GPR39: variants seen among roughly 807,000 people sequenced by gnomAD.
GPR39 encodes G protein-coupled receptor 39, also known as zinc sensing receptor.
In GPR39, 23 loss-of-function variants were observed where a neutral mutation model predicts 18.4. That is an observed-to-expected ratio of 1.25 (90% confidence interval 0.90 to 1.77). The LOEUF is 1.77. Ranked by LOEUF, GPR39 falls within the 40% of genes most tolerant of loss-of-function variation. GPR39 has a pLI of 0.00. For synonymous variants in GPR39, 280 were observed against 257.9 expected (o/e 1.09, Z -0.82); for missense variants, 647 against 602.4 (o/e 1.07, Z -0.78).
At chr2:132,516,370 C>T (rs902763349) in intron 1 of GPR39, among the ~76,000 whole-genome samples, 2 of 152,092 alleles carry the variant, frequency 1.3e-5, no homozygotes, top group African/African-American at 4.8e-5. Flanking sequence ...ATGGAATGGT[C>T]CACAATATGG....
chr2:132,529,968 A>G (rs1341525582), intron 1 of GPR39, among the ~76,000 whole-genome samples: 1 of 152,350 alleles, frequency 6.6e-6, no homozygotes, highest in African/African-American at 2.4e-5. Flanking sequence ...AAAGGAACAC[A>G]GCTCCTCACC....
In GPR39 at chr2:132,473,689, C is replaced by T. The variant is rs145341478; in HGVS notation, c.856+55791C>T. 7.7e-3 allele frequency among the ~76,000 whole-genome samples: 1,171 copies of T among 152,218 alleles called. 11 individuals carry two copies. Among genetic ancestry groups the T allele is most frequent in the Non-Finnish European group, 0.011 (715 of 68,014 alleles). On this transcript the variant is annotated intron_variant, in intron 1 of 1. Transcript: ENST00000329321. ...TGCGACTACCACTTGGCTAATTGTA[C>T]GGTAGCTTATGGCCATCTGCTATGC...
In GPR39 at chr2:132,645,378, G is replaced by T. The variant is rs1320508328; in HGVS notation, c.1134G>T (p.Ala378=). 6.2e-7 allele frequency: 1 copy of T among 1,613,750 alleles called. No individual in the cohort carries two copies. ...ANHEKRLRVH[A]HSTTDSARFV... is the part of the protein sequence containing the mutation. ...ACGAGAAGCGCCTGCGCGTACATGCGCACTCCACCACCGACAGCGCCCGCT... is the reference window on the plus strand; with the variant it reads ...ACGAGAAGCGCCTGCGCGTACATGCTCACTCCACCACCGACAGCGCCCGCT... Residue 378 remains alanine, a synonymous_variant, in exon 2 of 2, where the codon GCG becomes GCT. Coordinates refer to ENST00000329321, the MANE Select transcript of GPR39 (RefSeq NM_001508.3).
chr2:132,645,662 C>A lies in GPR39; in HGVS notation c.*56C>A, dbSNP rs955023346. The A allele has an allele frequency of 6.4e-7, 1 of 1,557,024 alleles. No individual in the cohort carries two copies. Among genetic ancestry groups the A allele is most frequent in the Admixed American group, 1.9e-5 (1 of 52,444 alleles). On this transcript the variant is annotated 3_prime_UTR_variant, in exon 2 of 2. Coordinates refer to ENST00000329321, the MANE Select transcript of GPR39 (RefSeq NM_001508.3). ...TGGCCCTCCAGCCCTAAGAAAACGT[C>A]ACTCTCACTCTGCAGTCTCAAACTA...
intron 1 of GPR39, among the ~76,000 whole-genome samples, 177 bp downstream of exon 1, chr2:132,418,075 T>C (rs1282668871): frequency 6.6e-6 from 1 of 152,214 alleles, no homozygotes. Flanking sequence ...TCTGAATGTT[T>C]CTTCTCTGTG....
intron 1 of GPR39, among the ~76,000 whole-genome samples, chr2:132,456,628 T>G (rs1680733675): frequency 6.6e-6 from 1 of 152,232 alleles, no homozygotes; most frequent in South Asian, 2.1e-4. Flanking sequence ...AGTTGTTTCT[T>G]TCCATGTTTA....
At chr2:132,492,994 G>T (rs147222201) in intron 1 of GPR39, among the ~76,000 whole-genome samples, 2,354 of 104,786 alleles carry the variant, frequency 0.022, 87 homozygotes, top group African/African-American at 0.083. Flanking sequence ...ATACACCATA[G>T]ATATACCATA....
At chr2:132,609,781 C>A (rs548789300) in intron 1 of GPR39, among the ~76,000 whole-genome samples, 2 of 152,184 alleles carry the variant, frequency 1.3e-5, no homozygotes, top group Non-Finnish European at 2.9e-5. Flanking sequence ...GGGTCCCAGT[C>A]TTTCCCGCTC....
intron 1 of GPR39, among the ~76,000 whole-genome samples, chr2:132,559,497 A>G (rs1680209096): frequency 6.6e-6 from 1 of 152,098 alleles, no homozygotes; most frequent in Non-Finnish European, 1.5e-5. Context: ...CTTACTGAGC[A>G]CTGACTTCAC....
At chr2:132,575,913 T>A (rs542716346) in intron 1 of GPR39, among the ~76,000 whole-genome samples, 1 of 152,272 alleles carries the variant, frequency 6.6e-6, no homozygotes, top group South Asian at 2.1e-4. Flanking sequence ...AGTGCCATTG[T>A]AAAGGAGACC....
At chr2:132,578,864 CCTCA>C (rs1680575564) in intron 1 of GPR39, among the ~76,000 whole-genome samples, 1 of 151,932 alleles carries the variant, frequency 6.6e-6, no homozygotes, top group Non-Finnish European at 1.5e-5. Context: ...TAATTTGTGT[CCTCA>C]CTATTTCTTT....
At chr2:132,607,915 G>T (rs1003639808) in intron 1 of GPR39, among the ~76,000 whole-genome samples, 1 of 152,140 alleles carries the variant, frequency 6.6e-6, no homozygotes, top group Non-Finnish European at 1.5e-5. Context: ...ATCATAGTGT[G>T]CAATTAATGA....
intron 1 of GPR39, among the ~76,000 whole-genome samples, chr2:132,599,693 G>A (rs888181778): frequency 2.0e-5 from 3 of 152,126 alleles, no homozygotes; most frequent in African/African-American, 7.2e-5. Flanking sequence ...TTAAGCATGG[G>A]AGCAAGGTGT....
At chr2:132,588,934 A>G (rs1301058381) in intron 1 of GPR39, among the ~76,000 whole-genome samples, 2 of 152,152 alleles carry the variant, frequency 1.3e-5, no homozygotes, top group African/African-American at 4.8e-5. Context: ...AGAGAAACCA[A>G]GCAGAAAGGG....
intron 1 of GPR39, among the ~76,000 whole-genome samples, chr2:132,427,551 A>G (rs932760050): frequency 2.7e-5 from 4 of 150,844 alleles, no homozygotes; most frequent in Admixed American, 1.3e-4. Context: ...TCTTATACAT[A>G]TAATTCTTTG....
At chr2:132,580,960 C>CA (rs538565776) in intron 1 of GPR39, among the ~76,000 whole-genome samples, 5,315 of 54,308 alleles carry the variant, frequency 0.098, 477 homozygotes, top group African/African-American at 0.27. Flanking sequence ...GACTCTGTCT[C>CA]AAAAAAAAAA....
At chr2:132,476,226 T>C (rs1249232806) in intron 1 of GPR39, among the ~76,000 whole-genome samples, 1 of 152,140 alleles carries the variant, frequency 6.6e-6, no homozygotes, top group Non-Finnish European at 1.5e-5. Flanking sequence ...ATCCCAACAG[T>C]CAGTATTCCA....
At chr2:132,532,709 A>G (rs955346913) in intron 1 of GPR39, among the ~76,000 whole-genome samples, 1 of 152,208 alleles carries the variant, frequency 6.6e-6, no homozygotes, top group African/African-American at 2.4e-5. Flanking sequence ...ATCAATAAAC[A>G]TAATCCGGCA....
At chr2:132,579,368 C>T (rs1333302119) in intron 1 of GPR39, among the ~76,000 whole-genome samples, 2 of 151,926 alleles carry the variant, frequency 1.3e-5, no homozygotes, top group African/African-American at 4.8e-5. Flanking sequence ...TGTTTTTGGG[C>T]CTGTAATAGG....
Sources: gnomAD v4.1 joint callset for allele counts (sites outside exome capture counted in the v4.1 genomes callset) on GRCh38, gnomAD v4.1.1 for gene constraint, MANE v1.5 for transcripts, NCBI Gene and HGNC (gene_info 2026-07-23, HGNC 2026-07-21) for gene names.